Variants in TENM4 observed in about 807,000 individuals in gnomAD.
TENM4 encodes teneurin-4.
TENM4 carries 82 observed loss-of-function variants against 243.3 expected under a neutral mutation model. The ratio of observed to expected loss-of-function variants is 0.34; its 90% CI spans 0.28 to 0.40. TENM4 has a LOEUF of 0.40. TENM4 is among the 10% of genes least tolerant of loss of function. TENM4 has a pLI of 1.00. For synonymous variants in TENM4, 1,412 were observed against 1,456.3 expected (o/e 0.97, Z 0.69); for missense variants, 3,138 against 3,673.3 (o/e 0.85, Z 3.77).
chr11:79,417,327 T>C (rs1190044004), intron 1 of TENM4, among the ~76,000 whole-genome samples: 1 of 152,210 alleles, frequency 6.6e-6, no homozygotes, highest in East Asian at 1.9e-4. Context: ...CCAGCCTCTT[T>C]GGACTTCAGC....
intron 2 of TENM4, among the ~76,000 whole-genome samples, chr11:79,216,722 C>G (rs144420258): frequency 6.6e-6 from 1 of 152,346 alleles, no homozygotes; most frequent in African/African-American, 2.4e-5. Context: ...TGGGATGAAG[C>G]AGCAGGAGGC....
intron 12 of TENM4, among the ~76,000 whole-genome samples, chr11:78,844,137 C>A (rs1401856809): frequency 6.6e-6 from 1 of 152,168 alleles, no homozygotes; most frequent in Non-Finnish European, 1.5e-5. Flanking sequence ...TCCTTTCCAG[C>A]CAGTTCATCT....
chr11:79,338,361 C>T (rs1301893361), intron 1 of TENM4, among the ~76,000 whole-genome samples: 1 of 152,250 alleles, frequency 6.6e-6, no homozygotes, highest in Non-Finnish European at 1.5e-5. Context: ...CTGCTGTCAG[C>T]TTGGGTTCAA....
In TENM4 at chr11:78,672,183, A is replaced by T; in HGVS notation, c.5643T>A (p.Asn1881Lys). The change falls in exon 31 of 34, where the codon AAT becomes AAA. Residue 1881 changes from asparagine to lysine, a missense_variant. By Grantham distance (94) the Asn-to-Lys change is moderately conservative. Around this residue, in one of 2 missense-constraint regions of TENM4, gnomAD observed 2,467 missense variants for 3,059.1 expected, o/e 0.81. Coordinates refer to ENST00000278550, the MANE Select transcript of TENM4 (RefSeq NM_001098816.3). ...CAGGGGAGTATGTCACGTTGACACC[A>T]TTCAGCCTGCTGCTGGGTGACCAGA... The part of the protein sequence containing the change: ...PSLWSPSSRL[N>K]GVNVTYSPGG... 1 of 1,613,796 alleles carries T rather than the reference A, an allele frequency of 6.2e-7. No homozygotes were observed. The highest frequency in any genetic ancestry group is 8.5e-7 in the Non-Finnish European group (1 of 1,179,840).
chr11:79,313,255 T>C (rs1353244424), intron 1 of TENM4, among the ~76,000 whole-genome samples: 2 of 152,214 alleles, frequency 1.3e-5, no homozygotes, highest in East Asian at 3.8e-4. Context: ...CACTTATTTA[T>C]TCCCAGACCT....
rs187161191 is a variant in TENM4 at position 78,981,055 on chromosome 11, C to T, written c.494-77532G>A. 3.5e-4 allele frequency among the ~76,000 whole-genome samples: 53 copies of T among 152,258 alleles called. No individual in the cohort carries two copies. The South Asian group carries it at 5.2e-3, about 15-fold the overall frequency. ...CACAATAATCTCTCCCCCATGTATA[C>T]GGCTTTGCAGAGAGCACTGACATCC... On this transcript the variant is annotated intron_variant, in intron 6 of 33. Transcript: ENST00000278550.
chr11:78,838,266 G>A (rs1303290130), intron 12 of TENM4, among the ~76,000 whole-genome samples: 1 of 152,048 alleles, frequency 6.6e-6, no homozygotes, highest in African/African-American at 2.4e-5. Flanking sequence ...AGATCATAAT[G>A]CCTTTTTTCC....
intron 6 of TENM4, among the ~76,000 whole-genome samples, chr11:79,036,708 G>A (rs747400233): frequency 1.3e-5 from 2 of 152,148 alleles, no homozygotes; most frequent in African/African-American, 2.4e-5. Context: ...AGATGGGTGA[G>A]TCAGAGAAAG....
chr11:78,892,292 CTTTCAGA>C (rs1344585318), intron 7 of TENM4, among the ~76,000 whole-genome samples: 19 of 152,234 alleles, frequency 1.2e-4, no homozygotes, highest in African/African-American at 4.3e-4. Context: ...TATCACCTCA[CTTTCAGA>C]CTCTGTGGTG....
chr11:79,102,423 C>T (rs911377133), intron 4 of TENM4, among the ~76,000 whole-genome samples: 3 of 152,184 alleles, frequency 2.0e-5, no homozygotes, highest in African/African-American at 7.2e-5. Flanking sequence ...TCCTCAGCCA[C>T]CCTTCGAAAA....
rs1198536757 is a variant in TENM4 at position 78,771,158 on chromosome 11, G to A, written c.2393-20C>T. Reference sequence around the variant, plus strand: ...AACCCTCTGAAAGACAAAGTACAGGGTTGAGGTCTGATCACCCAGAGTCAA... The same window carrying A: ...AACCCTCTGAAAGACAAAGTACAGGATTGAGGTCTGATCACCCAGAGTCAA... On this transcript the variant is annotated intron_variant, in intron 17 of 33. Transcript: ENST00000278550. 6 of 1,558,326 alleles carry A rather than the reference G, an allele frequency of 3.9e-6. No individual in the cohort carries two copies. In the Admixed American group the frequency reaches 7.7e-5, roughly 20 times the overall value.
intron 6 of TENM4, among the ~76,000 whole-genome samples, chr11:78,944,643 T>C: frequency 6.6e-6 from 1 of 152,228 alleles, no homozygotes; most frequent in East Asian, 1.9e-4. Context: ...CCAAGAACAA[T>C]ACTTGAGAGA....
intron 32 of TENM4, among the ~76,000 whole-genome samples, chr11:78,663,074 G>C (rs1858071140): frequency 6.6e-6 from 1 of 152,214 alleles, no homozygotes; most frequent in Admixed American, 6.5e-5. Flanking sequence ...GCCGGAGCAA[G>C]AAGAGCTTCA....
At position 78,728,353 on chromosome 11, in the gene TENM4, C is replaced by G. The variant is rs189064291; in HGVS notation, c.3406+1023G>C. Among the ~76,000 whole-genome samples, 129 of 152,296 alleles carry G rather than the reference C, an allele frequency of 8.5e-4. 1 individual carries two copies. Among genetic ancestry groups the G allele is most frequent in the South Asian group, 2.3e-3 (11 of 4,822 alleles). The stretch of plus-strand genomic sequence containing the variant: ...AGAATTTGGGGGTGACAATTTTTGA[C>G]TCACAGAGTATAAGGATTAATGGAG... On this transcript the variant is annotated intron_variant, in intron 22 of 33. Transcript: ENST00000278550.
At chr11:78,698,310 G>A (rs986487561) in intron 28 of TENM4, among the ~76,000 whole-genome samples, 11 of 152,130 alleles carry the variant, frequency 7.2e-5, no homozygotes, top group Middle Eastern at 3.2e-3. Flanking sequence ...GCTGAGGCAG[G>A]AGAACTGTGG....
intron 20 of TENM4, among the ~76,000 whole-genome samples, chr11:78,735,838 A>ACCCCT (rs71046996): frequency 0.56 from 73,682 of 132,152 alleles, 21,441 homozygotes; most frequent in Non-Finnish European, 0.71. Flanking sequence ...CTTGGCTCCC[A>ACCCCT]CCCCTCCCCT....
chr11:79,391,875 C>T (rs1362582283), intron 1 of TENM4, among the ~76,000 whole-genome samples: 3 of 152,224 alleles, frequency 2.0e-5, no homozygotes, highest in African/African-American at 7.2e-5. Context: ...TTCTATGGGA[C>T]AGCTGTGAGC....
intron 15 of TENM4, among the ~76,000 whole-genome samples, chr11:78,796,114 G>A (rs1857154869): frequency 6.6e-6 from 1 of 152,108 alleles, no homozygotes; most frequent in Non-Finnish European, 1.5e-5. Flanking sequence ...GTGGATTCCA[G>A]TATGTGGGTG....
intron 3 of TENM4, among the ~76,000 whole-genome samples, chr11:79,168,741 A>T (rs1319413603): frequency 2.0e-5 from 3 of 152,164 alleles, no homozygotes; most frequent in African/African-American, 7.2e-5. Flanking sequence ...GGTGGAGTCC[A>T]TTTCCCCACC....
Sources: allele counts gnomAD v4.1 joint callset (sites outside exome capture counted in the v4.1 genomes callset), GRCh38; gene constraint gnomAD v4.1.1; regional missense constraint gnomAD v4.1.1; transcripts MANE v1.5; gene names NCBI Gene and HGNC (gene_info 2026-07-23, HGNC 2026-07-21).